The following SOS2 variants were observed in gnomAD, a reference collection of about 807,000 sequenced individuals.
The protein encoded by SOS2 is son of sevenless homolog 2.
SOS2 carries 65 observed loss-of-function variants against 148.2 expected under a neutral mutation model. The ratio of observed to expected loss-of-function variants is 0.44; its 90% CI spans 0.36 to 0.54. SOS2 has a LOEUF of 0.54. Ranked by LOEUF, SOS2 falls within the 20% of genes least tolerant of loss-of-function variation. The probability of loss-of-function intolerance (pLI) is 0.00; values close to 1 mark genes in which losing one functional copy is unlikely to be tolerated. For missense variants in SOS2, 1,341 were observed against 1,590.2 expected (o/e 0.84, Z 2.67); for synonymous variants, 539 against 537.1 (o/e 1.00, Z -0.05).
In SOS2 at chr14:50,182,614, A is replaced by G; in HGVS notation, c.715-8T>C. 3 of 1,593,766 alleles carry G rather than the reference A, an allele frequency of 1.9e-6. No individual in the cohort carries two copies. Among genetic ancestry groups the G allele is most frequent in the Non-Finnish European group, 2.6e-6 (3 of 1,164,978 alleles). ...AAAAATCTTTTCGATATCCTGAAAA[A>G]AGAGAAGGAAGGTTAAGAAATGTGA... On this transcript the variant is annotated splice_region_variant and splice_polypyrimidine_tract_variant and intron_variant, in intron 5 of 22. Transcript: ENST00000216373.
intron 18 of SOS2, among the ~76,000 whole-genome samples, chr14:50,135,071 C>CAAAAAAAAA (rs746540364): frequency 1.7e-5 from 1 of 57,504 alleles, no homozygotes; most frequent in African/African-American, 6.7e-5. Flanking sequence ...GAGACTGTCT[C>CAAAAAAAAA]AAAAAAAAAA....
At chr14:50,225,683 G>C (rs1887350329) in intron 1 of SOS2, among the ~76,000 whole-genome samples, 1 of 152,154 alleles carries the variant, frequency 6.6e-6, no homozygotes, top group South Asian at 2.1e-4. Context: ...ACATTCAGCG[G>C]CTTTAGGAAT....
intron 16 of SOS2, among the ~76,000 whole-genome samples, chr14:50,142,541 C>G (rs965470524): frequency 1.3e-5 from 2 of 152,160 alleles, no homozygotes; most frequent in African/African-American, 2.4e-5. Context: ...GGGGTTTGCT[C>G]TGCTTTGTGA....
intron 5 of SOS2, among the ~76,000 whole-genome samples, chr14:50,187,511 C>G (rs1334074696): frequency 6.6e-6 from 1 of 151,922 alleles, no homozygotes; most frequent in Non-Finnish European, 1.5e-5. Flanking sequence ...CTACGCCCGG[C>G]TAACTTTTTT....
chr14:50,174,131 C>A (rs1296750296), intron 8 of SOS2, among the ~76,000 whole-genome samples: 1 of 152,070 alleles, frequency 6.6e-6, no homozygotes. Flanking sequence ...GCCAATGTGA[C>A]CAGGACTAGT....
chr14:50,178,449 C>T (rs1166074285), intron 7 of SOS2, among the ~76,000 whole-genome samples: 5 of 151,894 alleles, frequency 3.3e-5, no homozygotes, highest in African/African-American at 1.2e-4. Context: ...TTATAAATCA[C>T]CCAGTCTCAG....
At chr14:50,138,225 C>T (rs948019986) in intron 18 of SOS2, among the ~76,000 whole-genome samples, 2 of 152,000 alleles carry the variant, frequency 1.3e-5, no homozygotes, top group African/African-American at 2.4e-5. Flanking sequence ...GGCGCTATCT[C>T]GGCTCACTGC....
chr14:50,157,150 C>T (rs1255936658), intron 11 of SOS2, 29 bp from the exon 12 acceptor site: 1 of 1,602,822 alleles, frequency 6.2e-7, no homozygotes, highest in Non-Finnish European at 8.5e-7. Context: ...GGAGAAAAAT[C>T]CGTTCATACA....
chr14:50,200,927 C>A (rs1487773926), intron 3 of SOS2, 26 bp downstream of exon 3: 1 of 1,607,962 alleles, frequency 6.2e-7, no homozygotes, highest in Admixed American at 1.7e-5. Flanking sequence ...AGAACACCCC[C>A]CAACTAATGT....
At chr14:50,189,667 C>T (rs1056747021) in intron 4 of SOS2, among the ~76,000 whole-genome samples, 3 of 152,092 alleles carry the variant, frequency 2.0e-5, no homozygotes, top group Admixed American at 2.0e-4. Context: ...TTCTGATGCA[C>T]ATTTACTACA....
intron 5 of SOS2, among the ~76,000 whole-genome samples, chr14:50,184,865 A>C (rs12896390): frequency 0.01 from 186 of 17,758 alleles, no homozygotes; most frequent in East Asian, 0.013. Context: ...CCCTGTCTCC[A>C]AAAAAAAAAA....
At chr14:50,172,740 A>G (rs1056995293) in intron 8 of SOS2, among the ~76,000 whole-genome samples, 3 of 152,150 alleles carry the variant, frequency 2.0e-5, no homozygotes, top group African/African-American at 7.2e-5. Context: ...CCTTTGGACA[A>G]GCATGAGTAC....
In SOS2 at chr14:50,160,089, A is replaced by G. The variant is rs1252986580; in HGVS notation, c.1197-3T>C. 1.5e-5 allele frequency: 24 copies of G among 1,604,504 alleles called. No homozygotes were observed. The highest frequency in any genetic ancestry group is 2.0e-5 in the Non-Finnish European group (24 of 1,175,372). On this transcript the variant is annotated splice_region_variant and splice_polypyrimidine_tract_variant and intron_variant, in intron 9 of 22. Coordinates refer to ENST00000216373, the MANE Select transcript of SOS2 (RefSeq NM_006939.4). Reference sequence around the variant, plus strand: ...TATAAAAAGGGCAAACAGGATCTCTAGAAAAAACAAACAATATAGCTTATT... The same window carrying G: ...TATAAAAAGGGCAAACAGGATCTCTGGAAAAAACAAACAATATAGCTTATT...
At chr14:50,193,779 C>CA (rs1445292885) in intron 4 of SOS2, among the ~76,000 whole-genome samples, 1 of 150,222 alleles carries the variant, frequency 6.7e-6, no homozygotes, top group African/African-American at 2.5e-5. Flanking sequence ...GACATAGTTT[C>CA]ACTTTGTTGC....
intron 3 of SOS2, 85 bp from the exon 4 acceptor site, chr14:50,199,940 C>A: frequency 1.2e-6 from 1 of 848,018 alleles, no homozygotes; most frequent in Non-Finnish European, 1.8e-6. Context: ...AACATCCTTG[C>A]TTATAAAAAA....
At chr14:50,214,271 G>A (rs1595030655) in intron 1 of SOS2, among the ~76,000 whole-genome samples, 1 of 151,582 alleles carries the variant, frequency 6.6e-6, no homozygotes, top group East Asian at 1.9e-4. Context: ...GGTCCAAAAA[G>A]TCTAGCAGTA....
intron 21 of SOS2, among the ~76,000 whole-genome samples, chr14:50,123,976 G>A (rs1883606520): frequency 6.6e-6 from 1 of 152,140 alleles, no homozygotes; most frequent in African/African-American, 2.4e-5. Context: ...ACTATTTTTA[G>A]CCTAAGTAAC....
rs552863366 is a variant in SOS2 at position 50,185,923 on chromosome 14, G to A, written c.714+2574C>T. ...ACAAATGAGGAAACAGAGGCATAGA[G>A]CAGTTAAGTAATTTGCCCGTTATCA... On this transcript the variant is annotated intron_variant, in intron 5 of 22. Coordinates refer to ENST00000216373, the MANE Select transcript of SOS2 (RefSeq NM_006939.4). Among the ~76,000 whole-genome samples the A allele has an allele frequency of 1.1e-3, 169 of 152,206 alleles. 1 individual carries two copies. Among genetic ancestry groups the A allele is most frequent in the African/African-American group, 3.9e-3 (161 of 41,546 alleles).
chr14:50,144,378 A>T (rs184593206), intron 16 of SOS2, among the ~76,000 whole-genome samples: 1 of 152,014 alleles, frequency 6.6e-6, no homozygotes, highest in Non-Finnish European at 1.5e-5. Context: ...CCTATTTTCT[A>T]TATCTCCTGA....
Sources: allele counts gnomAD v4.1 joint callset (sites outside exome capture counted in the v4.1 genomes callset), GRCh38; gene constraint gnomAD v4.1.1; transcripts MANE v1.5; gene names NCBI Gene and HGNC (gene_info 2026-07-23, HGNC 2026-07-21).